Variants in AVIL observed in about 807,000 individuals in gnomAD.
AVIL encodes the protein advillin.
AVIL carries 78 observed loss-of-function variants against 109.9 expected under a neutral mutation model. The ratio of observed to expected loss-of-function variants is 0.71; its 90% confidence interval spans 0.59 to 0.86. The LOEUF is 0.86. Among genes scored for constraint, AVIL ranks in the 40% least tolerant of loss-of-function variants. The pLI is 0.00. For missense variants in AVIL, 892 were observed against 1,016.5 expected (o/e 0.88, Z 1.67); for synonymous variants, 367 against 379.1 (o/e 0.97, Z 0.37).
chr12:57,813,448 G>T, intron 3 of AVIL, 25 bp from the exon 4 acceptor site: 3 of 1,602,550 alleles, frequency 1.9e-6, no homozygotes, highest in Non-Finnish European at 2.6e-6. Flanking sequence ...GAGAGATCAG[G>T]TCAGAGGCCA....
Position 57,813,490 on chromosome 12 carries a change from A to T in AVIL, c.142-67T>A, listed in dbSNP as rs760896057. Reference sequence around the variant, plus strand: ...CTCCCCTTTGCTGCTGGCCCCTGTTATGGGGAGAATGCAGCACATGTGCAT... The same window carrying T: ...CTCCCCTTTGCTGCTGGCCCCTGTTTTGGGGAGAATGCAGCACATGTGCAT... On this transcript the variant is annotated intron_variant, in intron 3 of 19. Transcript: ENST00000549994. 2.7e-3 allele frequency: 4,005 copies of T among 1,473,528 alleles called. 15 individuals are homozygous for T. The highest frequency in any genetic ancestry group is 3.4e-3 in the Non-Finnish European group (3,656 of 1,070,420). The allele number at this position is 1,473,528 out of a possible 1,614,324, so 91.3% of individuals were successfully genotyped here. A position where few individuals can be genotyped will look rare whatever the true frequency, so the allele number is the denominator to read the frequency against.
At chr12:57,815,189 T>G (rs1956086180) in intron 2 of AVIL, among the ~76,000 whole-genome samples, 1 of 152,168 alleles carries the variant, frequency 6.6e-6, no homozygotes, top group Non-Finnish European at 1.5e-5. Flanking sequence ...CCTGACTTCG[T>G]GATCCACCCG....
In AVIL at chr12:57,797,512, C is replaced by T. The variant is rs1955760138; in HGVS notation, c.*370G>A. On this transcript the variant is annotated 3_prime_UTR_variant, in exon 20 of 20. Coordinates refer to ENST00000549994, the MANE Select transcript of AVIL (RefSeq NM_006576.4). ...AGGCTAAATAGATTTTAGAAATAAT[C>T]ATCTTAAAATTGAAAACAAAGGTAG... 1 of 971,296 alleles carries T rather than the reference C, an allele frequency of 1.0e-6. No individual in the cohort carries two copies. Among genetic ancestry groups the T allele is most frequent in the African/African-American group, 1.8e-5 (1 of 56,870 alleles). The allele number at this position is 971,296 out of a possible 1,614,324, so 60.2% of individuals were successfully genotyped here.
rs185853431 is a variant in AVIL, at chr12:57,805,449, A to G, written c.1671+911T>C. Among the ~76,000 whole-genome samples the G allele has an allele frequency of 3.9e-3, 593 of 152,004 alleles. 4 individuals are homozygous for G. Among genetic ancestry groups the G allele is most frequent in the African/African-American group, 0.013 (550 of 41,462 alleles). ...GTGCCTGTCTGTTAGAGTCCACCAA[A>G]TTCACATGGGAAGATTGACTTATCC... On this transcript the variant is annotated intron_variant, in intron 14 of 19. Coordinates refer to ENST00000549994, the MANE Select transcript of AVIL (RefSeq NM_006576.4).
chr12:57,814,178 CAT>C lies in AVIL; in HGVS notation c.113_114del (p.Tyr38Ter). The C allele has an allele frequency of 6.2e-7, 1 of 1,613,368 alleles. No individual in the cohort carries two copies. Among genetic ancestry groups the C allele is most frequent in the Non-Finnish European group, 8.5e-7 (1 of 1,179,808 alleles). On this transcript the variant is annotated frameshift_variant, in exon 3 of 20. Transcript: ENST00000549994. LOFTEE classifies it high-confidence loss of function. ...GAGAGGATGACGTAGCAGTCCCCCT[CAT>C]AGAAGTTGCCGTGGGCGCTCACAGG... ...LVPVSAHGNF[Y>X]EGDCYVILST...
chr12:57,806,168 C>G, intron 14 of AVIL, 192 bp downstream of exon 14: 6 of 329,352 alleles, frequency 1.8e-5, no homozygotes, highest in East Asian at 5.6e-5. Flanking sequence ...ATATCAAACG[C>G]TTCATGAATT....
intron 1 of AVIL, among the ~76,000 whole-genome samples, chr12:57,816,933 C>T (rs187437987): frequency 2.0e-4 from 31 of 151,932 alleles, no homozygotes; most frequent in African/African-American, 7.0e-4. Context: ...TGTGTGGAAG[C>T]GTGAACCTCA....
intron 2 of AVIL, 131 bp downstream of exon 2, chr12:57,815,844 T>C (rs1371118549): frequency 1.9e-6 from 3 of 1,543,188 alleles, no homozygotes; most frequent in Non-Finnish European, 2.6e-6. Flanking sequence ...ATAGGTACTT[T>C]GATGCTGCCT....
chr12:57,818,067 G>A (rs941585836), intron 1 of AVIL, among the ~76,000 whole-genome samples: 19 of 151,858 alleles, frequency 1.3e-4, no homozygotes, highest in Non-Finnish European at 1.8e-4. Flanking sequence ...CACCCAGGCT[G>A]GAGTGCAGTG....
chr12:57,799,729 C>T (rs1955807909), intron 19 of AVIL, 66 bp downstream of exon 19: 4 of 1,604,020 alleles, frequency 2.5e-6, no homozygotes, highest in Non-Finnish European at 2.5e-6. Context: ...AGGCCATTTG[C>T]TGAGCTGAGT....
At chr12:57,809,769 AT>A in intron 8 of AVIL, 42 bp downstream of exon 8, 1 of 1,613,368 alleles carries the variant, frequency 6.2e-7, no homozygotes, top group Non-Finnish European at 8.5e-7. Context: ...CTTCTGAAGC[AT>A]GTCTGGCTAC....
At position 57,803,317 on chromosome 12, in the gene AVIL, G is replaced by A; in HGVS notation, c.1892C>T (p.Thr631Ile). The part of the protein sequence containing the change: ...CSNKTGQFVV[T>I]EITDFTQDDL... ...ATCCTGGGTGAAGTCTGTGATCTCA[G>A]TGACAACGAATTGGCCGGTCTTATT... The change falls in exon 16 of 20, where the codon ACT becomes ATT. Residue 631 changes from threonine (T) to isoleucine (I), a missense_variant. Thr to Ile is a moderately conservative substitution (Grantham distance 89). Coordinates refer to ENST00000549994, the MANE Select transcript of AVIL (RefSeq NM_006576.4). 6.2e-7 allele frequency: 1 copy of A among 1,614,208 alleles called. No individual in the cohort carries two copies.
At chr12:57,810,275 G>A in intron 7 of AVIL, 74 bp downstream of exon 7, 3 of 1,503,604 alleles carry the variant, frequency 2.0e-6, no homozygotes, top group Non-Finnish European at 2.8e-6. Context: ...GAGCCAAGCA[G>A]AGGTGGCTGG....
Position 57,802,189 on chromosome 12 carries a change from A to G in AVIL, c.2122T>C (p.Phe708Leu). ...CAAATGTTAGGGTCCCAGGCTAGGA[A>G]CCAGCCTGTGAAGATGGGAGGCTCA... Reference protein sequence around the residue: ...GFEPPIFTGWFLAWDPNIWSA... With the variant: ...GFEPPIFTGWLLAWDPNIWSA... Residue 708 changes from phenylalanine to leucine, a missense_variant, in exon 17 of 20, where the codon TTC becomes CTC. By Grantham distance (22) the Phe-to-Leu change is conservative. Transcript: ENST00000549994. The G allele has an allele frequency of 1.2e-6, 2 of 1,613,960 alleles. No individual in the cohort carries two copies. The highest frequency in any genetic ancestry group is 1.7e-6 in the Non-Finnish European group (2 of 1,179,872).
At chr12:57,798,055 G>T in intron 19 of AVIL, 60 bp from the exon 20 acceptor site, 1 of 1,314,842 alleles carries the variant, frequency 7.6e-7, no homozygotes. Context: ...GCCAACAGAA[G>T]TTGAGGAAGT....
Position 57,813,432 on chromosome 12 carries a change from TAGTC to T in AVIL, c.142-13_142-10del, listed in dbSNP as rs750028306. The T allele has an allele frequency of 8.1e-6, 13 of 1,611,750 alleles. No individual in the cohort carries two copies. The highest frequency in any genetic ancestry group is 4.4e-5 in the South Asian group (4 of 90,956). On this transcript the variant is annotated splice_polypyrimidine_tract_variant and intron_variant, in intron 3 of 19. Coordinates refer to ENST00000549994, the MANE Select transcript of AVIL (RefSeq NM_006576.4). ...CTGGCCACTCTCCGGGTCTGGGAGG[TAGTC>T]AGAGAGATCAGGTCAGAGGCCAGCT...
At chr12:57,801,042 C>G (rs1955836848) in intron 18 of AVIL, 102 bp downstream of exon 18, 2 of 930,262 alleles carry the variant, frequency 2.1e-6, no homozygotes, top group East Asian at 2.4e-5. Context: ...TATGGTAATA[C>G]TAAGGACATG....
At chr12:57,806,313 G>A in intron 14 of AVIL, 47 bp downstream of exon 14, 1 of 1,605,556 alleles carries the variant, frequency 6.2e-7, no homozygotes, top group Non-Finnish European at 8.5e-7. Context: ...GGGAGTGCAG[G>A]TCTGGGCTCC....
At position 57,809,692 on chromosome 12, in the gene AVIL, A is replaced by C. The variant is rs762524032; in HGVS notation, c.844T>G (p.Cys282Gly). 1.7e-5 allele frequency: 27 copies of C among 1,614,208 alleles called. No individual in the cohort carries two copies. In the East Asian group the frequency reaches 6.0e-4, roughly 36 times the overall value. ...GTTCCACTTTGGTCCAGGATGTAGC[A>C]GTCCTAAAGCAGCCAGAGATAGGTA... The part of the protein sequence containing the change: ...LVQDLLNHDD[C>G]YILDQSGTKI... The change falls in exon 9 of 20, where the codon TGC becomes GGC. Residue 282 changes from cysteine to glycine, a missense_variant. Cys to Gly is a radical substitution (Grantham distance 159, BLOSUM62 -3). Transcript: ENST00000549994.
Sources: allele counts gnomAD v4.1 joint callset (sites outside exome capture counted in the v4.1 genomes callset), GRCh38; gene constraint gnomAD v4.1.1; transcripts MANE v1.5; gene names NCBI Gene and HGNC (gene_info 2026-07-23, HGNC 2026-07-21).